COL18A1: variants seen among roughly 807,000 people sequenced by gnomAD.
COL18A1 encodes collagen type XVIII alpha 1 chain, also known as collagen alpha-1(XVIII) chain.
Under a neutral mutation model 168.0 loss-of-function variants are expected in COL18A1, and 133 were observed. That is an observed-to-expected ratio of 0.79 (90% CI 0.69 to 0.91). The LOEUF is 0.91. COL18A1 is among the 40% of genes least tolerant of loss of function. The pLI is 0.00. For synonymous variants in COL18A1, 949 were observed against 809.0 expected, an observed-to-expected ratio of 1.17 and a Z score of -2.94; for missense variants, 2,126 against 1,925.4, an observed-to-expected ratio of 1.10 and a Z score of -1.95.
Position 45,509,505 on chromosome 21 carries a change from C to A in COL18A1, c.3399C>A (p.Pro1133=). 6.5e-7 allele frequency: 1 copy of A among 1,533,326 alleles called. No individual in the cohort carries two copies. Among genetic ancestry groups the A allele is most frequent in the Non-Finnish European group, 8.8e-7 (1 of 1,138,818 alleles). 95.0% of individuals were successfully genotyped at this position (1,533,326 alleles called of 1,614,324 possible). Residue 1133 remains proline (P), a synonymous_variant, in exon 39 of 42, where the codon CCC becomes CCA. Transcript: ENST00000651438. ...ASPPRLPEPQ[P]YPGAPHHSSY... is the part of the protein sequence containing the mutation. ...CCCCTCGCCTGCCCGAGCCCCAGCC[C>A]TACCCCGGAGCCCCGCACCACAGCT...
At position 45,476,389 on chromosome 21, in the gene COL18A1, C is replaced by G. The variant is rs2230687; in HGVS notation, c.837C>G (p.Pro279=). 0.12 allele frequency: 200,621 copies of G among 1,613,466 alleles called. 17,226 individuals are homozygous for G. Among genetic ancestry groups the G allele is most frequent in the African/African-American group, 0.4 (30,031 of 74,850 alleles). ...ALKPRLPAPP[P]VTTPPLAGGS... ...AACCCAGGCTCCCCGCGCCACCCCC[C>G]GTCACCACGCCACCCTTGGCTGGAG... The change falls in exon 6 of 42, where the codon CCC becomes CCG. Residue 279 remains proline, a synonymous_variant. Coordinates refer to ENST00000651438, the MANE Select transcript of COL18A1 (RefSeq NM_001379500.1).
chr21:45,492,255 C>T (rs944762235), intron 22 of COL18A1, among the ~76,000 whole-genome samples: 9 of 152,150 alleles, frequency 5.9e-5, no homozygotes, highest in Middle Eastern at 3.2e-3. Flanking sequence ...GAGCCACCTC[C>T]GCCGGCAAGC....
At chr21:45,434,776 T>G (rs1196542720) in intron 2 of COL18A1, among the ~76,000 whole-genome samples, 2 of 149,534 alleles carry the variant, frequency 1.3e-5, no homozygotes, top group Non-Finnish European at 3.0e-5. Flanking sequence ...TTGGCGGGGG[T>G]CCCGGTGGGT....
intron 7 of COL18A1, 78 bp downstream of exon 7, chr21:45,477,565 C>T: frequency 1.4e-6 from 2 of 1,401,014 alleles, no homozygotes; most frequent in South Asian, 1.2e-5. Flanking sequence ...ACTGGTGAGC[C>T]CTGATGAAGC....
intron 2 of COL18A1, among the ~76,000 whole-genome samples, chr21:45,437,143 C>CAA (rs2034134289): frequency 1.0e-5 from 1 of 96,872 alleles, no homozygotes; most frequent in Non-Finnish European, 2.0e-5. Flanking sequence ...ACTCTCCACA[C>CAA]ACACTCACAC....
At chr21:45,436,513 G>A (rs111267924) in intron 2 of COL18A1, among the ~76,000 whole-genome samples, 31 of 152,282 alleles carry the variant, frequency 2.0e-4, no homozygotes, top group African/African-American at 7.2e-4. Flanking sequence ...CTTTCGGTTC[G>A]GCAAAAAAGT....
chr21:45,427,801 C>T (rs2033849296), intron 2 of COL18A1, among the ~76,000 whole-genome samples: 1 of 152,218 alleles, frequency 6.6e-6, no homozygotes, highest in African/African-American at 2.4e-5. Context: ...GTTGGGTCTG[C>T]AGGACTGAGA....
In COL18A1 at chr21:45,494,553, G is replaced by T. The variant is rs371966493; in HGVS notation, c.2361G>T (p.Pro787=). The T allele has an allele frequency of 1.3e-4, 207 of 1,613,170 alleles. No individual in the cohort carries two copies. Among genetic ancestry groups the T allele is most frequent in the Non-Finnish European group, 1.6e-4 (192 of 1,180,000 alleles). The change falls in exon 27 of 42, where the codon CCG becomes CCT. Residue 787 remains proline (P), a synonymous_variant. Transcript: ENST00000651438. ...CTTGTTTTTTTGCTCAGGGAGAGCC[G>T]GGCTTCCGAGGACCCCCGGTAAGTC... The part of the protein sequence containing the change: ...GPAQKGAKGE[P]GFRGPPGPYG...
intron 22 of COL18A1, among the ~76,000 whole-genome samples, chr21:45,492,292 C>T (rs1022391379): frequency 2.0e-5 from 3 of 152,156 alleles, no homozygotes; most frequent in African/African-American, 7.2e-5. Context: ...GAGGCAGGAG[C>T]ATTTTAAAAC....
Position 45,468,767 on chromosome 21 carries a change from C to T in COL18A1, c.632C>T (p.Ala211Val), listed in dbSNP as rs545415183. The T allele has an allele frequency of 1.6e-5, 25 of 1,597,354 alleles. No homozygotes were observed. The highest frequency in any genetic ancestry group is 3.3e-5 in the South Asian group (3 of 90,580). The change falls in exon 3 of 42, where the codon GCG becomes GTG. Residue 211 changes from alanine (A) to valine (V), a missense_variant. Coordinates refer to ENST00000651438, the MANE Select transcript of COL18A1 (RefSeq NM_001379500.1). ...CTCTTCGTGGCTCAGGCGGGGGGAG[C>T]GGACCCTGACAAGTTCCAGGTAACC... Reference protein sequence around the residue: ...AGLFVAQAGGADPDKFQGVIA... With the variant: ...AGLFVAQAGGVDPDKFQGVIA...
chr21:45,448,587 C>T (rs2034553530), intron 2 of COL18A1, among the ~76,000 whole-genome samples: 1 of 152,254 alleles, frequency 6.6e-6, no homozygotes, highest in Non-Finnish European at 1.5e-5. Context: ...AGGTGAGCCG[C>T]AGCATCTCCA....
In COL18A1 at chr21:45,509,522, AC is replaced by A; in HGVS notation, c.3418del (p.His1140ThrfsTer111). The A allele has an allele frequency of 6.5e-7, 1 of 1,535,126 alleles. No individual in the cohort carries two copies. The highest frequency in any genetic ancestry group is 8.8e-7 in the Non-Finnish European group (1 of 1,141,218). The part of the protein sequence containing the change: ...PEPQPYPGAP[H>X]HSSYVHLRPA... Reference sequence around the variant, plus strand: ...CCCCAGCCCTACCCCGGAGCCCCGCACCACAGCTCCTACGTGCACCTGCGGC... The same window carrying A: ...CCCCAGCCCTACCCCGGAGCCCCGCACACAGCTCCTACGTGCACCTGCGGC... On this transcript the variant is annotated frameshift_variant, in exon 39 of 42. Transcript: ENST00000651438. LOFTEE classifies it high-confidence loss of function.
rs908440530 is a variant in COL18A1 at position 45,498,037 on chromosome 21, C to T, written c.2683+376C>T. Among the ~76,000 whole-genome samples the T allele has an allele frequency of 6.6e-6, 1 of 152,148 alleles. No individual in the cohort carries two copies. Among genetic ancestry groups the T allele is most frequent in the African/African-American group, 2.4e-5 (1 of 41,446 alleles). On this transcript the variant is annotated intron_variant, in intron 32 of 41. Coordinates refer to ENST00000651438, the MANE Select transcript of COL18A1 (RefSeq NM_001379500.1). This position sits in a 1 kb window ranked among gnomAD's most constrained non-coding sequence, Gnocchi z 4.5. The stretch of plus-strand genomic sequence containing the variant: ...GAGGACCCTCTGTCGAGAAACTCTC[C>T]AGGGTTTCATGTGGGAAGGAGGCGT...
At chr21:45,472,783 A>C (rs1490191971) in intron 3 of COL18A1, among the ~76,000 whole-genome samples, 1 of 148,012 alleles carries the variant, frequency 6.8e-6, no homozygotes, top group Non-Finnish European at 1.5e-5. Context: ...TGGGAAACCC[A>C]GGGGGCCCAC....
chr21:45,507,710 G>A, intron 38 of COL18A1, 117 bp downstream of exon 38: 2 of 969,194 alleles, frequency 2.1e-6, no homozygotes, highest in Non-Finnish European at 1.6e-6. Flanking sequence ...TGAACATGTG[G>A]CTCACCATCA....
rs1201030578 is a variant in COL18A1, at chr21:45,512,244, GCTA to G, written c.3869_3871del (p.Tyr1290del). The G allele has an allele frequency of 2.5e-5, 41 of 1,612,476 alleles. No homozygotes were observed. Among genetic ancestry groups the G allele is most frequent in the Non-Finnish European group, 3.3e-5 (39 of 1,179,792 alleles). On this transcript the variant is annotated inframe_deletion, in exon 42 of 42. Coordinates refer to ENST00000651438, the MANE Select transcript of COL18A1 (RefSeq NM_001379500.1). ...CCCAACGGGCGCAGGCTGACCGAGAGCTACTGTGAGACGTGGCGGACGGAGGCT... is the reference window on the plus strand; with the variant it reads ...CCCAACGGGCGCAGGCTGACCGAGAGCTGTGAGACGTGGCGGACGGAGGCT...
intron 37 of COL18A1, 137 bp downstream of exon 37, chr21:45,506,103 T>G: frequency 2.9e-6 from 4 of 1,376,764 alleles, no homozygotes; most frequent in Middle Eastern, 2.4e-4. Context: ...ACTTTCAAAC[T>G]TTTGGTAAAG....
intron 2 of COL18A1, among the ~76,000 whole-genome samples, chr21:45,419,501 C>G (rs535242986): frequency 8.5e-5 from 13 of 152,112 alleles, no homozygotes; most frequent in African/African-American, 3.1e-4. Flanking sequence ...GGCCGCCCAT[C>G]ACTGTTCGGG....
chr21:45,476,577 GT>G, intron 6 of COL18A1, 97 bp downstream of exon 6: 3 of 1,393,472 alleles, frequency 2.2e-6, no homozygotes, highest in South Asian at 2.5e-5. Flanking sequence ...GTGATGTATG[GT>G]GTGTGTAGTG....
Sources: gnomAD v4.1 joint callset for allele counts (sites outside exome capture counted in the v4.1 genomes callset) on GRCh38, gnomAD v4.1.1 for gene constraint, Gnocchi (gnomAD v3.1) non-coding constraint, MANE v1.5 for transcripts, NCBI Gene and HGNC (gene_info 2026-07-23, HGNC 2026-07-21) for gene names.